Variants in TGS1 observed in about 807,000 individuals in gnomAD.
TGS1 encodes trimethylguanosine synthase 1.
TGS1 carries 69 observed loss-of-function variants against 92.2 expected under a neutral mutation model. The observed-to-expected ratio is 0.75, with a 90% CI of 0.62 to 0.91. TGS1 has a LOEUF of 0.91. Ranked by LOEUF, TGS1 falls within the 40% of genes least tolerant of loss-of-function variation. TGS1 has a pLI of 0.00. For missense variants in TGS1, 1,062 were observed against 1,001.2 expected (o/e 1.06, Z -0.82); for synonymous variants, 345 against 338.1 (o/e 1.02, Z -0.22).
intron 4 of TGS1, among the ~76,000 whole-genome samples, chr8:55,787,348 C>T (rs988581955): frequency 1.5e-4 from 23 of 152,082 alleles, no homozygotes; most frequent in African/African-American, 5.3e-4. Flanking sequence ...GAGCTTGGAA[C>T]TTTTAGTTTT....
Position 55,799,160 on chromosome 8 carries a change from C to A in TGS1, c.1789C>A (p.Pro597Thr), listed in dbSNP as rs925538849. The change falls in exon 8 of 13, where the codon CCA (proline) becomes ACA (threonine). Residue 597 changes from proline to threonine, a missense_variant. Transcript: ENST00000260129. ...YERDSLLATVPDEQDCVTQEV... is the reference protein window; with the variant it reads ...YERDSLLATVTDEQDCVTQEV... ...AAGAGACAGCTTGCTAGCAACTGTTCCAGATGAGCAGGATTGTGTTACTCA... is the reference window on the plus strand; with the variant it reads ...AAGAGACAGCTTGCTAGCAACTGTTACAGATGAGCAGGATTGTGTTACTCA... 4 of 1,614,162 alleles carry A rather than the reference C, an allele frequency of 2.5e-6. No individual in the cohort carries two copies. Among genetic ancestry groups the A allele is most frequent in the South Asian group, 1.1e-5 (1 of 91,078 alleles).
chr8:55,775,589 C>G (rs1050061609), intron 1 of TGS1, among the ~76,000 whole-genome samples: 3 of 152,080 alleles, frequency 2.0e-5, no homozygotes, highest in African/African-American at 7.2e-5. Flanking sequence ...AGGTAGGGAT[C>G]ACTGGAGAAT....
At chr8:55,812,299 G>A (rs989737241) in intron 11 of TGS1, among the ~76,000 whole-genome samples, 3 of 151,860 alleles carry the variant, frequency 2.0e-5, no homozygotes, top group Non-Finnish European at 4.4e-5. Context: ...AGGCCAAGGC[G>A]GGCAAATCAT....
intron 12 of TGS1, among the ~76,000 whole-genome samples, chr8:55,820,216 C>T (rs968356740): frequency 6.6e-6 from 1 of 152,212 alleles, no homozygotes; most frequent in African/African-American, 2.4e-5. Flanking sequence ...ATTCGGTTAT[C>T]GTGCACTTTT....
chr8:55,799,155 CTG>C lies in TGS1; in HGVS notation c.1786_1787del (p.Val596SerfsTer3). On this transcript the variant is annotated frameshift_variant, in exon 8 of 13. Coordinates refer to ENST00000260129, the MANE Select transcript of TGS1 (RefSeq NM_024831.8). LOFTEE classifies it high-confidence loss of function. ...TATGAAAGAGACAGCTTGCTAGCAA[CTG>C]TTCCAGATGAGCAGGATTGTGTTAC... The C allele has an allele frequency of 6.2e-7, 1 of 1,614,178 alleles. No individual in the cohort carries two copies. The highest frequency in any genetic ancestry group is 1.1e-5 in the South Asian group (1 of 91,086).
intron 6 of TGS1, among the ~76,000 whole-genome samples, chr8:55,794,524 G>A (rs1811987264): frequency 6.6e-6 from 1 of 152,210 alleles, no homozygotes; most frequent in Non-Finnish European, 1.5e-5. Flanking sequence ...AGCACTTTGG[G>A]AAGCTGAGGT....
At chr8:55,807,629 G>C (rs1278396457) in intron 10 of TGS1, among the ~76,000 whole-genome samples, 1 of 151,894 alleles carries the variant, frequency 6.6e-6, no homozygotes, top group Non-Finnish European at 1.5e-5. Flanking sequence ...CCGGGCTCAA[G>C]TGATCCTCCC....
At chr8:55,780,384 G>C (rs1480008725) in intron 1 of TGS1, among the ~76,000 whole-genome samples, 5 of 151,932 alleles carry the variant, frequency 3.3e-5, no homozygotes, top group Non-Finnish European at 7.4e-5. Flanking sequence ...CATAACCTGG[G>C]TCTGTCTGAT....
chr8:55,818,199 A>T (rs879483575), intron 12 of TGS1, among the ~76,000 whole-genome samples: 26 of 150,536 alleles, frequency 1.7e-4, no homozygotes, highest in Middle Eastern at 3.4e-3. Context: ...CTGGTTACCA[A>T]TTTTTTTTTT....
At chr8:55,824,280 A>T (rs879357714) in intron 12 of TGS1, among the ~76,000 whole-genome samples, 2 of 152,174 alleles carry the variant, frequency 1.3e-5, no homozygotes, top group Admixed American at 1.3e-4. Context: ...TTTGGGAAGG[A>T]TTTGTTCATT....
At chr8:55,808,239 AT>A (rs1803233879) in intron 10 of TGS1, among the ~76,000 whole-genome samples, 1 of 152,114 alleles carries the variant, frequency 6.6e-6, no homozygotes, top group Non-Finnish European at 1.5e-5. Flanking sequence ...AGTAGTGGTT[AT>A]TTTCCTTTTT....
intron 4 of TGS1, among the ~76,000 whole-genome samples, chr8:55,788,837 A>G (rs1055524132): frequency 7.9e-5 from 12 of 151,956 alleles, no homozygotes; most frequent in African/African-American, 2.7e-4. Context: ...ACATATTTTG[A>G]CCATAAAGTT....
chr8:55,808,511 CTTTT>C (rs59912731), intron 10 of TGS1, among the ~76,000 whole-genome samples: 1 of 117,926 alleles, frequency 8.5e-6, no homozygotes, highest in Admixed American at 8.7e-5. Context: ...TTCTTTTTTT[CTTTT>C]TTTTTTTTTT....
intron 12 of TGS1, among the ~76,000 whole-genome samples, chr8:55,817,702 A>G (rs573007241): frequency 3.3e-5 from 5 of 152,352 alleles, no homozygotes; most frequent in South Asian, 2.1e-4. Context: ...GAGGTAGAGA[A>G]CATTAGTCCA....
chr8:55,773,752 GCA>G (rs1491234939), intron 1 of TGS1, 33 bp downstream of exon 1: 2 of 1,541,124 alleles, frequency 1.3e-6, no homozygotes, highest in African/African-American at 1.4e-5. Context: ...TCATGTTCTA[GCA>G]CAGTCATTAC....
rs1237646300 is a variant in TGS1, at chr8:55,786,459, A to T, written c.561A>T (p.Thr187=). Residue 187 remains threonine (T), a synonymous_variant, in exon 4 of 13, where the codon ACA becomes ACT. Transcript: ENST00000260129. The part of the protein sequence containing the change: ...TETENPPVEN[T]LSPKLEITEK... ...CAGAAAATCCTCCAGTTGAAAACACATTATCTCCAAAGCTAGAAATTACAG... is the reference window on the plus strand; with the variant it reads ...CAGAAAATCCTCCAGTTGAAAACACTTTATCTCCAAAGCTAGAAATTACAG... 6.2e-7 allele frequency: 1 copy of T among 1,614,044 alleles called. No individual in the cohort carries two copies. The highest frequency in any genetic ancestry group is 1.7e-5 in the Admixed American group (1 of 60,002).
At chr8:55,788,531 C>A (rs2130139038) in intron 4 of TGS1, among the ~76,000 whole-genome samples, 1 of 146,856 alleles carries the variant, frequency 6.8e-6, no homozygotes, top group African/African-American at 2.5e-5. Flanking sequence ...TCTCAGCTCA[C>A]TGCAAGGTCC....
At chr8:55,777,906 T>TAAA (rs879679272) in intron 1 of TGS1, among the ~76,000 whole-genome samples, 1,978 of 151,760 alleles carry the variant, frequency 0.013, 38 homozygotes, top group African/African-American at 0.046. Flanking sequence ...ATTTAAATTT[T>TAAA]TTTTTTTTTT....
intron 6 of TGS1, among the ~76,000 whole-genome samples, chr8:55,794,440 T>G (rs1811981726): frequency 6.6e-6 from 1 of 152,180 alleles, no homozygotes; most frequent in South Asian, 2.1e-4. Flanking sequence ...TGAAGGGCAT[T>G]TGGATTATTT....
Sources: allele counts gnomAD v4.1 joint callset (sites outside exome capture counted in the v4.1 genomes callset), GRCh38; gene constraint gnomAD v4.1.1; transcripts MANE v1.5; gene names NCBI Gene and HGNC (gene_info 2026-07-23, HGNC 2026-07-21).